BLTP3A: variants seen among roughly 807,000 people sequenced by gnomAD.
BLTP3A encodes the protein ICBP90 binding protein 1.
At chr6:34,811,773 C>T in the BLTP3A span, among the ~76,000 whole-genome samples, 1 of 150,832 alleles carries the variant, frequency 6.6e-6, no homozygotes, top group South Asian at 2.1e-4. Context: ...GCAGGACAAT[C>T]GCTTGAACCC....
the BLTP3A span, among the ~76,000 whole-genome samples, chr6:34,852,253 C>G: frequency 6.6e-6 from 1 of 152,084 alleles, no homozygotes; most frequent in African/African-American, 2.4e-5. Context: ...GCCAGCACAG[C>G]CCGGGGTCTC....
chr6:34,868,206 T>G, the BLTP3A span, among the ~76,000 whole-genome samples: 1 of 151,994 alleles, frequency 6.6e-6, no homozygotes, highest in African/African-American at 2.4e-5. Context: ...CTTGGGAGGC[T>G]GAGGCAGGAG....
chr6:34,834,360 A>C, the BLTP3A span: 1 of 1,613,876 alleles, frequency 6.2e-7, no homozygotes, highest in Non-Finnish European at 8.5e-7. Context: ...AACTGGCAGC[A>C]GAGTGACCTT....
the BLTP3A span, among the ~76,000 whole-genome samples, chr6:34,808,158 A>T: frequency 0.038 from 5,805 of 152,040 alleles, 307 homozygotes; most frequent in African/African-American, 0.12. Flanking sequence ...AGCCTGACCA[A>T]CATGGTGAAA....
chr6:34,857,971 C>G, the BLTP3A span: 1 of 1,588,790 alleles, frequency 6.3e-7, no homozygotes, highest in South Asian at 1.1e-5. Context: ...CTGCATTTTT[C>G]CAATGGATAT....
At chr6:34,849,214 G>T in the BLTP3A span, among the ~76,000 whole-genome samples, 1 of 151,986 alleles carries the variant, frequency 6.6e-6, no homozygotes. Context: ...GGCCAGGCTG[G>T]TCTCAAACTC....
chr6:34,862,579 A>T, the BLTP3A span, among the ~76,000 whole-genome samples: 1 of 152,002 alleles, frequency 6.6e-6, no homozygotes, highest in Non-Finnish European at 1.5e-5. Context: ...TCACGCCTGT[A>T]ATCCCGGCAC....
chr6:34,869,640 C>CTTTTTTTTTTTT, the BLTP3A span, among the ~76,000 whole-genome samples: 13 of 81,518 alleles, frequency 1.6e-4, 4 homozygotes, highest in African/African-American at 4.9e-4. Flanking sequence ...ACATACACCA[C>CTTTTTTTTTTTT]TTTTTTTTTT....
the BLTP3A span, chr6:34,856,927 C>G: frequency 1.1e-5 from 18 of 1,611,966 alleles, no homozygotes; most frequent in Non-Finnish European, 1.5e-5. Context: ...GGACATCCAC[C>G]AGGTGAGGAC....
chr6:34,799,898 A>C, the BLTP3A span, among the ~76,000 whole-genome samples: 1 of 152,054 alleles, frequency 6.6e-6, no homozygotes, highest in African/African-American at 2.4e-5. Flanking sequence ...GTTTTTGGAG[A>C]TAGTACTTTT....
the BLTP3A span, chr6:34,859,339 C>T: frequency 6.2e-7 from 1 of 1,613,830 alleles, no homozygotes; most frequent in Non-Finnish European, 8.5e-7. Flanking sequence ...ATTGAAGCCC[C>T]CAGCTGGCAG....
the BLTP3A span, among the ~76,000 whole-genome samples, chr6:34,832,600 C>A: frequency 1.9e-4 from 29 of 151,964 alleles, no homozygotes; most frequent in African/African-American, 7.0e-4. Flanking sequence ...CACGACCTGG[C>A]TAATTTTTAA....
the BLTP3A span, among the ~76,000 whole-genome samples, chr6:34,815,649 T>C: frequency 3.3e-5 from 5 of 152,142 alleles, no homozygotes; most frequent in Non-Finnish European, 7.4e-5. Context: ...TATTTTGTTA[T>C]TTGTTTGTTT....
chr6:34,856,825 A>G, the BLTP3A span: 4 of 1,614,022 alleles, frequency 2.5e-6, no homozygotes, highest in African/African-American at 5.3e-5. Flanking sequence ...CCCTCTTGAG[A>G]GAAGCCCCTC....
At chr6:34,857,975 T>C in the BLTP3A span, 1 of 1,587,962 alleles carries the variant, frequency 6.3e-7, no homozygotes, top group Non-Finnish European at 8.6e-7. Flanking sequence ...ATTTTTCCAA[T>C]GGATATAATC....
the BLTP3A span, among the ~76,000 whole-genome samples, chr6:34,846,451 G>A: frequency 6.6e-6 from 1 of 151,984 alleles, no homozygotes; most frequent in South Asian, 2.1e-4. Context: ...TCAGTTTCTT[G>A]TGTCAGTGTT....
At chr6:34,795,549 C>T in the BLTP3A span, among the ~76,000 whole-genome samples, 2 of 151,208 alleles carry the variant, frequency 1.3e-5, no homozygotes, top group African/African-American at 4.9e-5. Context: ...AGGCGCGTGC[C>T]ACCACACCCG....
At chr6:34,876,388 T>G in the BLTP3A span, 1 of 152,210 alleles carries the variant, frequency 6.6e-6, no homozygotes, top group Non-Finnish European at 1.5e-5. Flanking sequence ...TCCATTTAAC[T>G]CACTTAGATT....
the BLTP3A span, among the ~76,000 whole-genome samples, chr6:34,852,533 CCCTCTCCTCTCCTCTCCTCT>C: frequency 2.3e-5 from 3 of 129,266 alleles, no homozygotes; most frequent in Non-Finnish European, 4.8e-5. Context: ...CTGTATTCGC[CCCTCTCCTCTCCTCTCCTCT>C]CCTCTCCTCT....
Sources: gnomAD v4.1 joint callset for allele counts (sites outside exome capture counted in the v4.1 genomes callset) on GRCh38, gnomAD v4.1.1 for gene constraint, MANE v1.5 for transcripts, NCBI Gene and HGNC (gene_info 2026-07-23, HGNC 2026-07-21) for gene names.